The following RSRP1 variants were observed in gnomAD, a reference collection of about 807,000 sequenced individuals.
The protein encoded by RSRP1 is arginine/serine-rich protein 1.
RSRP1 carries 37 observed loss-of-function variants against 33.0 expected under a neutral mutation model. The ratio of observed to expected loss-of-function variants is 1.12; its 90% confidence interval spans 0.86 to 1.48. The LOEUF (loss-of-function observed/expected upper bound fraction) is 1.48. Among genes scored for constraint, RSRP1 ranks in the 40% most tolerant of loss-of-function variants. RSRP1 has a pLI of 0.00. For synonymous variants in RSRP1, 167 were observed against 158.7 expected, an observed-to-expected ratio of 1.05 and a Z score of -0.40; for missense variants, 402 against 385.3, an observed-to-expected ratio of 1.04 and a Z score of -0.36.
At chr1:25,250,005 C>T (rs925073364), upstream of RSRP1, among the ~76,000 whole-genome samples, 1 of 152,084 alleles carries the variant, frequency 6.6e-6, no homozygotes, top group African/African-American at 2.4e-5. Context: ...AGCCGGCAAC[C>T]GGGAGACAGC....
chr1:25,245,321 A>C lies in RSRP1; in HGVS notation c.521-20T>G. The C allele has an allele frequency of 6.3e-7, 1 of 1,594,116 alleles. No homozygotes were observed. The highest frequency in any genetic ancestry group is 8.6e-7 in the Non-Finnish European group (1 of 1,166,194). On this transcript the variant is annotated intron_variant, in intron 2 of 4. Transcript: ENST00000243189. ...TTCGATCTAAAAAAAAAAGAGAGAG[A>C]TTTTAAAATACTCATTAATCTGGTA...
At chr1:25,332,041 ATT>A (rs1270998323) in intron 1 of RSRP1, among the ~76,000 whole-genome samples, 11 of 94,786 alleles carry the variant, frequency 1.2e-4, no homozygotes, top group Admixed American at 2.1e-4. Context: ...CGCCCAGCAG[ATT>A]TTTTTTTTTT....
intron 1 of RSRP1, among the ~76,000 whole-genome samples, chr1:25,287,796 A>T (rs1291806031): frequency 1.5e-5 from 2 of 134,146 alleles, no homozygotes; most frequent in African/African-American, 5.1e-5. Flanking sequence ...ATCATAGCTC[A>T]TTGCAGCCTG....
At chr1:25,247,136 G>T in intron 1 of RSRP1, 107 bp from the exon 2 acceptor site, 1 of 703,498 alleles carries the variant, frequency 1.4e-6, no homozygotes, top group East Asian at 3.0e-5. Flanking sequence ...CGGCGCGGGC[G>T]GCGACCGCCG....
Position 25,245,269 on chromosome 1 carries a change from T to A in RSRP1, c.553A>T (p.Asn185Tyr). The A allele has an allele frequency of 2.5e-6, 4 of 1,614,016 alleles. No homozygotes were observed. Among genetic ancestry groups the A allele is most frequent in the Non-Finnish European group, 3.4e-6 (4 of 1,180,010 alleles). The change falls in exon 3 of 5, where the codon AAT becomes TAT. Residue 185 changes from asparagine to tyrosine, a missense_variant. By Grantham distance (143) the Asn-to-Tyr change is moderately radical (BLOSUM62 -2). Transcript: ENST00000243189. ...RMELLEIAKT[N>Y]AAKALGTTNI... ...GTTGTTCCTAGAGCTTTCGCTGCATTGGTTTTTGCTATTTCTAACAGCTCC... is the reference window on the plus strand; with the variant it reads ...GTTGTTCCTAGAGCTTTCGCTGCATAGGTTTTTGCTATTTCTAACAGCTCC...
At chr1:25,337,338 C>T (rs1179682003) in intron 1 of RSRP1, 1 of 151,704 alleles carries the variant, frequency 6.6e-6, no homozygotes, top group African/African-American at 2.4e-5. Flanking sequence ...TGCAAGGAGA[C>T]CTCGACCCTG....
chr1:25,244,614 T>C, intron 3 of RSRP1: 1 of 1,258,412 alleles, frequency 7.9e-7, no homozygotes, highest in Non-Finnish European at 1.0e-6. Flanking sequence ...TTAGAAAAAC[T>C]AGTAATAGAA....
At chr1:25,263,168 G>C (rs1640210506) in intron 1 of RSRP1, among the ~76,000 whole-genome samples, 1 of 152,040 alleles carries the variant, frequency 6.6e-6, no homozygotes, top group African/African-American at 2.4e-5. Flanking sequence ...AGTGTGGTGT[G>C]TATCAGGGTC....
At chr1:25,296,661 GT>G (rs1168490989) in intron 1 of RSRP1, among the ~76,000 whole-genome samples, 1 of 130,940 alleles carries the variant, frequency 7.6e-6, no homozygotes, top group Non-Finnish European at 1.8e-5. Flanking sequence ...CACAGGGGTG[GT>G]TTCCCCCATG....
intron 3 of RSRP1, chr1:25,244,053 T>A: frequency 8.6e-7 from 1 of 1,169,174 alleles, no homozygotes; most frequent in Non-Finnish European, 1.1e-6. Context: ...TTCATTTAGA[T>A]ACAGCATTTT....
chr1:25,283,060 T>C lies in RSRP1; in HGVS notation c.-66-36031A>G, dbSNP rs915172045. ...ATGTGCGAAAACAGTTGGTGATTAT[T>C]GATAAAATAGCTTTTAGAGTTTGGA... On this transcript the variant is annotated intron_variant, in intron 1 of 1. Coordinates refer to the RSRP1 transcript ENST00000561867. Among the ~76,000 whole-genome samples the C allele has an allele frequency of 3.0e-5, 4 of 133,332 alleles. 1 individual carries two copies. Among genetic ancestry groups the C allele is most frequent in the African/African-American group, 1.0e-4 (4 of 39,086 alleles). 87.5% of individuals were successfully genotyped at this position (133,332 alleles called of 152,430 possible).
At chr1:25,334,445 T>A (rs868151326) in intron 1 of RSRP1, among the ~76,000 whole-genome samples, 157 of 130,758 alleles carry the variant, frequency 1.2e-3, no homozygotes, top group African/African-American at 4.0e-3. Context: ...GCATTGAGTG[T>A]CTGCAACTTT....
intron 1 of RSRP1, among the ~76,000 whole-genome samples, chr1:25,320,296 A>G (rs1644632485): frequency 7.6e-6 from 1 of 132,168 alleles, no homozygotes; most frequent in African/African-American, 2.6e-5. Context: ...TCCACGTTAT[A>G]TGGCACGTTA....
intron 1 of RSRP1, among the ~76,000 whole-genome samples, chr1:25,287,146 TAC>T (rs905945870): frequency 1.5e-5 from 2 of 134,824 alleles, no homozygotes; most frequent in African/African-American, 5.1e-5. Flanking sequence ...CAGAATTCAA[TAC>T]ACACACGCAC....
chr1:25,305,367 A>G (rs1427255494), intron 1 of RSRP1, among the ~76,000 whole-genome samples: 2 of 95,056 alleles, frequency 2.1e-5, no homozygotes, highest in African/African-American at 3.7e-5. Flanking sequence ...CTAGTTGAGG[A>G]GTCTGGATAT....
chr1:25,258,213 A>G (rs1313337246), intron 1 of RSRP1, among the ~76,000 whole-genome samples: 1 of 152,152 alleles, frequency 6.6e-6, no homozygotes, highest in Non-Finnish European at 1.5e-5. Context: ...CAGAGTCTCG[A>G]TCTGTTGCCC....
At chr1:25,330,888 G>T (rs2124198467) in intron 1 of RSRP1, among the ~76,000 whole-genome samples, 1 of 126,380 alleles carries the variant, frequency 7.9e-6, no homozygotes, top group Admixed American at 7.8e-5. Flanking sequence ...TCTTGCAGAT[G>T]GCTGCCTCCT....
chr1:25,260,630 G>C (rs1467970658), intron 1 of RSRP1, among the ~76,000 whole-genome samples: 1 of 152,160 alleles, frequency 6.6e-6, no homozygotes, highest in Non-Finnish European at 1.5e-5. Flanking sequence ...AAGCCACTCA[G>C]ACTTAAACAA....
chr1:25,247,826 C>T (rs1225903143), upstream of RSRP1: 1 of 152,504 alleles, frequency 6.6e-6, no homozygotes, highest in Non-Finnish European at 1.5e-5. Flanking sequence ...GGAGTAGGGC[C>T]GGGAGAGGAG....
Sources: gnomAD v4.1 joint callset for allele counts (sites outside exome capture counted in the v4.1 genomes callset) on GRCh38, gnomAD v4.1.1 for gene constraint, MANE v1.5 for transcripts, NCBI Gene and HGNC (gene_info 2026-07-23, HGNC 2026-07-21) for gene names.